Variants in ZSWIM6 observed in about 807,000 individuals in gnomAD.
The protein encoded by ZSWIM6 is zinc finger SWIM domain-containing protein 6.
A neutral mutation model predicts 113.2 loss-of-function variants in ZSWIM6; 9 were observed. The ratio of observed to expected loss-of-function variants is 0.08; its 90% CI spans 0.05 to 0.14. The LOEUF (loss-of-function observed/expected upper bound fraction) is 0.14, where lower values mean the gene tolerates loss of function less well. ZSWIM6 is among the 10% of genes least tolerant of loss of function. The probability of loss-of-function intolerance (pLI) is 1.00; values close to 1 mark genes in which losing one functional copy is unlikely to be tolerated. For missense variants in ZSWIM6, 1,162 were observed against 1,552.2 expected (o/e 0.75, Z 4.22); for synonymous variants, 611 against 606.5 (o/e 1.01, Z -0.11).
At chr5:61,460,082 A>G (rs1482335568) in intron 1 of ZSWIM6, among the ~76,000 whole-genome samples, 1 of 152,194 alleles carries the variant, frequency 6.6e-6, no homozygotes, top group Non-Finnish European at 1.5e-5. Context: ...ACTTTCAACG[A>G]TGTTTACCTT....
chr5:61,419,219 T>C (rs1418500582), intron 1 of ZSWIM6, among the ~76,000 whole-genome samples: 2 of 152,270 alleles, frequency 1.3e-5, no homozygotes, highest in East Asian at 3.8e-4. Context: ...ATTTGCCCTT[T>C]GTATTTGATA....
intron 1 of ZSWIM6, among the ~76,000 whole-genome samples, chr5:61,355,123 T>C (rs886751650): frequency 6.6e-6 from 1 of 152,144 alleles, no homozygotes; most frequent in African/African-American, 2.4e-5. Context: ...ACTGAGTAAC[T>C]GCTGCTGTTG....
intron 4 of ZSWIM6, among the ~76,000 whole-genome samples, chr5:61,502,456 C>T (rs866505752): frequency 2.0e-4 from 31 of 152,246 alleles, no homozygotes; most frequent in Admixed American, 3.9e-4. Flanking sequence ...GCTGAAGGGA[C>T]GAGGCAGATC....
intron 1 of ZSWIM6, 60 bp downstream of exon 1, chr5:61,333,008 G>GT: frequency 4.0e-6 from 2 of 498,928 alleles, no homozygotes; most frequent in Non-Finnish European, 5.6e-6. Context: ...GTGGGGGGGG[G>GT]GTGCCCGCCT....
chr5:61,521,433 G>A lies in ZSWIM6; in HGVS notation c.1504G>A (p.Ala502Thr). 1 of 1,467,574 alleles carries A rather than the reference G, an allele frequency of 6.8e-7. No homozygotes were observed. Among genetic ancestry groups the A allele is most frequent in the Non-Finnish European group, 9.1e-7 (1 of 1,103,314 alleles). The allele number at this position is 1,467,574 out of a possible 1,614,324, so 90.9% of individuals were successfully genotyped here. A position where few individuals can be genotyped will look rare whatever the true frequency, so the allele number is the denominator to read the frequency against. The change falls in exon 5 of 14, where the codon GCC (alanine) becomes ACC (threonine). Residue 502 changes from alanine (A) to threonine (T), a missense_variant. By Grantham distance (58) the Ala-to-Thr change is moderately conservative. Around this residue, in one of 4 missense-constraint regions of ZSWIM6, gnomAD observed 620 missense variants for 804.6 expected, o/e 0.77. Coordinates refer to ENST00000252744, the MANE Select transcript of ZSWIM6 (RefSeq NM_020928.2). ...CAATGCTCTGCCTCAGGGTGCAAAT[G>A]CCAACCAAGGTGAGTCTACCATAAT... is the stretch of plus-strand genomic sequence containing the variant. ...LTNALPQGAN[A>T]NQDSSNRPHR...
At chr5:61,503,625 T>C (rs560870956) in intron 4 of ZSWIM6, among the ~76,000 whole-genome samples, 2 of 152,252 alleles carry the variant, frequency 1.3e-5, no homozygotes, top group Non-Finnish European at 2.9e-5. Context: ...TTAGGAGGAA[T>C]ACTTCCAAAA....
chr5:61,394,504 A>C (rs1745799078), intron 1 of ZSWIM6, among the ~76,000 whole-genome samples: 1 of 152,238 alleles, frequency 6.6e-6, no homozygotes. Context: ...CTGGGAATTC[A>C]GAGCTGACTC....
rs141411775 is a variant in ZSWIM6 at position 61,469,436 on chromosome 5, T to C, written c.677-3245T>C. On this transcript the variant is annotated intron_variant, in intron 1 of 13. Coordinates refer to ENST00000252744, the MANE Select transcript of ZSWIM6 (RefSeq NM_020928.2). ...TGTTATGCTGTAAGACATGTATATG[T>C]TTATTTGTGCCTTCACATTTCTCTT... 1.9e-3 allele frequency among the ~76,000 whole-genome samples: 292 copies of C among 152,312 alleles called. 1 individual carries two copies. The highest frequency in any genetic ancestry group is 6.0e-3 in the African/African-American group (251 of 41,560).
intron 1 of ZSWIM6, among the ~76,000 whole-genome samples, chr5:61,395,909 AC>A (rs1243071314): frequency 6.6e-6 from 1 of 151,034 alleles, no homozygotes; most frequent in African/African-American, 2.4e-5. Context: ...ATTAAGCTCT[AC>A]TTTTTTTTTT....
At chr5:61,492,131 T>C (rs944182811) in intron 3 of ZSWIM6, among the ~76,000 whole-genome samples, 1 of 152,130 alleles carries the variant, frequency 6.6e-6, no homozygotes, top group African/African-American at 2.4e-5. Flanking sequence ...CTGTTTTATA[T>C]ACTTAAGAGT....
At chr5:61,444,938 T>C (rs1406699022) in intron 1 of ZSWIM6, among the ~76,000 whole-genome samples, 1 of 152,198 alleles carries the variant, frequency 6.6e-6, no homozygotes, top group Admixed American at 6.5e-5. Context: ...TTTTCGGACC[T>C]ACGAGTCAAA....
intron 1 of ZSWIM6, chr5:61,375,857 A>G (rs887861484): frequency 9.0e-6 from 9 of 996,706 alleles, no homozygotes; most frequent in Admixed American, 6.5e-5. Context: ...TCACCGTAAC[A>G]TTAAGAAAAA....
intron 1 of ZSWIM6, among the ~76,000 whole-genome samples, chr5:61,395,952 C>T (rs1462814065): frequency 6.6e-6 from 1 of 151,746 alleles, no homozygotes; most frequent in Non-Finnish European, 1.5e-5. Flanking sequence ...CATTCTAAAT[C>T]ATTTATTAGA....
chr5:61,392,010 C>T (rs1745727571), intron 1 of ZSWIM6: 1 of 397,802 alleles, frequency 2.5e-6, no homozygotes, highest in Non-Finnish European at 4.5e-6. Context: ...TTGTATTTCC[C>T]TCATAGATTG....
chr5:61,434,490 C>A (rs1239666928), intron 1 of ZSWIM6, among the ~76,000 whole-genome samples: 3 of 151,146 alleles, frequency 2.0e-5, no homozygotes, highest in African/African-American at 7.3e-5. Context: ...TTATATCATT[C>A]TTATGCCTTC....
Position 61,545,937 on chromosome 5 carries a change from G to T in ZSWIM6, c.*1620G>T, listed in dbSNP as rs1011827099. On this transcript the variant is annotated 3_prime_UTR_variant, in exon 14 of 14. Coordinates refer to ENST00000252744, the MANE Select transcript of ZSWIM6 (RefSeq NM_020928.2). ...AGAGAACATGCTTAGAGGTATGTTT[G>T]TAGGTATTTTTGTTTAGAAGAACTA... is the stretch of plus-strand genomic sequence containing the variant. 1 of 151,820 alleles carries T rather than the reference G, an allele frequency of 6.6e-6. No homozygotes were observed. Among genetic ancestry groups the T allele is most frequent in the Non-Finnish European group, 1.5e-5 (1 of 67,958 alleles). 9.4% of individuals were successfully genotyped at this position (151,820 alleles called of 1,614,324 possible). A position where few individuals can be genotyped will look rare whatever the true frequency, so the allele number is the denominator to read the frequency against.
chr5:61,419,429 A>G (rs1746313503), intron 1 of ZSWIM6, among the ~76,000 whole-genome samples: 1 of 152,082 alleles, frequency 6.6e-6, no homozygotes, highest in Non-Finnish European at 1.5e-5. Context: ...TTTCATTTGT[A>G]CTCAAGGCTA....
chr5:61,448,676 T>A (rs1171819239), intron 1 of ZSWIM6, among the ~76,000 whole-genome samples: 1 of 152,170 alleles, frequency 6.6e-6, no homozygotes, highest in Non-Finnish European at 1.5e-5. Flanking sequence ...CTGGTTCTGA[T>A]CTGATACACT....
intron 1 of ZSWIM6, among the ~76,000 whole-genome samples, chr5:61,379,303 T>G (rs1373654356): frequency 6.6e-6 from 1 of 152,172 alleles, no homozygotes; most frequent in African/African-American, 2.4e-5. Context: ...TTACTGCAAT[T>G]TCAAGGCTAG....
Sources: gnomAD v4.1 joint callset for allele counts (sites outside exome capture counted in the v4.1 genomes callset) on GRCh38, gnomAD v4.1.1 for gene constraint, gnomAD v4.1.1 regional missense constraint, MANE v1.5 for transcripts, NCBI Gene and HGNC (gene_info 2026-07-23, HGNC 2026-07-21) for gene names.